The following SLIT3 variants were observed in gnomAD, a reference collection of about 807,000 sequenced individuals.
The protein encoded by SLIT3 is slit guidance ligand 3.
A neutral mutation model predicts 184.0 loss-of-function variants in SLIT3; 68 were observed. The observed-to-expected ratio is 0.37, with a 90% CI of 0.30 to 0.45. The LOEUF is 0.45. Ranked by LOEUF, SLIT3 falls within the 20% of genes least tolerant of loss-of-function variation. The pLI, the probability that SLIT3 is intolerant of heterozygous loss-of-function variation, is 1.00. For missense variants in SLIT3, 1,707 were observed against 2,026.0 expected (o/e 0.84, Z 3.02); for synonymous variants, 831 against 828.6 (o/e 1.00, Z -0.05).
At chr5:169,160,480 C>T (rs1161235092) in intron 4 of SLIT3, among the ~76,000 whole-genome samples, 1 of 152,112 alleles carries the variant, frequency 6.6e-6, no homozygotes, top group Non-Finnish European at 1.5e-5. Flanking sequence ...TCACAGGGGG[C>T]GATGATGAGT....
intron 4 of SLIT3, among the ~76,000 whole-genome samples, chr5:168,975,350 TGCATACATCATCAGG>T (rs1754713681): frequency 1.3e-5 from 2 of 152,188 alleles, no homozygotes; most frequent in Admixed American, 1.3e-4. Flanking sequence ...AATCCATCAG[TGCATACATCATCAGG>T]GCCAGTCTCA....
rs72837979 is a variant in SLIT3 at position 169,263,816 on chromosome 5, T to A, written c.198-12357A>T. ...CAACTCATTTTGGTCTTTCATCACG[T>A]TGCCTTGCTGCTGCCTGTTTCCTGT... is the stretch of plus-strand genomic sequence containing the variant. On this transcript the variant is annotated intron_variant, in intron 1 of 35. Coordinates refer to ENST00000519560, the MANE Select transcript of SLIT3 (RefSeq NM_003062.4). 143 of 373,292 alleles carry A rather than the reference T, an allele frequency of 3.8e-4. 3 individuals are homozygous for A. Among genetic ancestry groups the A allele is most frequent in the South Asian group, 8.4e-4 (41 of 49,054 alleles). The allele number at this position is 373,292 out of a possible 1,614,324, so 23.1% of individuals were successfully genotyped here.
intron 23 of SLIT3, chr5:168,712,814 A>C (rs1205476311): frequency 6.3e-6 from 1 of 159,802 alleles, no homozygotes; most frequent in African/African-American, 2.4e-5. Flanking sequence ...TGTGTGACTA[A>C]GGGCAAAGCA....
At position 168,905,253 on chromosome 5, in the gene SLIT3, T is replaced by A. The variant is rs571523849; in HGVS notation, c.414-21917A>T. Among the ~76,000 whole-genome samples, 27 of 152,278 alleles carry A rather than the reference T, an allele frequency of 1.8e-4. No individual in the cohort carries two copies. The East Asian group carries it at 4.8e-3, about 27-fold the overall frequency. The stretch of plus-strand genomic sequence containing the variant: ...GCACCCATGAAGCACCATAAGAGCA[T>A]AATCCCTTTCTATCCTTTTTCCTCC... On this transcript the variant is annotated intron_variant, in intron 4 of 35. Transcript: ENST00000519560.
At chr5:168,996,668 G>A (rs538499217) in intron 4 of SLIT3, among the ~76,000 whole-genome samples, 41 of 152,298 alleles carry the variant, frequency 2.7e-4, no homozygotes, top group African/African-American at 9.1e-4. Context: ...TTACAGCAGC[G>A]GATTTTTTAG....
intron 1 of SLIT3, among the ~76,000 whole-genome samples, chr5:169,298,038 G>C (rs557211980): frequency 6.6e-6 from 1 of 152,238 alleles, no homozygotes; most frequent in Non-Finnish European, 1.5e-5. Flanking sequence ...TTGGCTGAGA[G>C]AGAGTGTGGT....
In SLIT3 at chr5:169,290,913, A is replaced by T. The variant is rs529672458; in HGVS notation, c.197+9600T>A. Among the ~76,000 whole-genome samples, 6 of 152,240 alleles carry T rather than the reference A, an allele frequency of 3.9e-5. No individual in the cohort carries two copies. The East Asian group carries it at 1.2e-3, about 29-fold the overall frequency. ...ACTAGGGCACGTGCTAGGGCAAAGA[A>T]TGGATATGACTGGTAACAGACAGGA... On this transcript the variant is annotated intron_variant, in intron 1 of 35. Coordinates refer to ENST00000519560, the MANE Select transcript of SLIT3 (RefSeq NM_003062.4).
chr5:169,092,121 G>A (rs1759611654), intron 4 of SLIT3, among the ~76,000 whole-genome samples: 1 of 152,210 alleles, frequency 6.6e-6, no homozygotes, highest in South Asian at 2.1e-4. Flanking sequence ...TACTTCGGAG[G>A]CTGAGGCAGG....
At chr5:169,263,650 C>G (rs1766285560) in intron 1 of SLIT3, 1 of 502,686 alleles carries the variant, frequency 2.0e-6, no homozygotes, top group Admixed American at 2.3e-5. Context: ...CAGGCTTTCT[C>G]TGGGCGTATC....
chr5:168,812,485 T>C (rs2113645775), intron 8 of SLIT3, among the ~76,000 whole-genome samples: 1 of 152,280 alleles, frequency 6.6e-6, no homozygotes, highest in South Asian at 2.1e-4. Flanking sequence ...TGTGTGTCAA[T>C]TCAAAACAAA....
intron 20 of SLIT3, among the ~76,000 whole-genome samples, chr5:168,746,858 A>G (rs1468797072): frequency 1.7e-3 from 27 of 16,026 alleles, no homozygotes; most frequent in Admixed American, 6.2e-3. Context: ...GTGGTGTGTG[A>G]GTGTGGTGGT....
chr5:168,878,280 T>C (rs1033518132), intron 5 of SLIT3, among the ~76,000 whole-genome samples: 19 of 152,214 alleles, frequency 1.2e-4, no homozygotes, highest in African/African-American at 4.1e-4. Flanking sequence ...TTACGTTCTC[T>C]CTCTTCTCTG....
chr5:169,225,544 T>G (rs974784934), intron 3 of SLIT3, among the ~76,000 whole-genome samples: 3 of 152,194 alleles, frequency 2.0e-5, no homozygotes, highest in African/African-American at 7.2e-5. Context: ...CTTAGAGGCC[T>G]TATAGTCTAA....
At chr5:169,055,002 G>A (rs1473339772) in intron 4 of SLIT3, among the ~76,000 whole-genome samples, 1 of 152,146 alleles carries the variant, frequency 6.6e-6, no homozygotes, top group African/African-American at 2.4e-5. Flanking sequence ...CTCATGCCTA[G>A]CATATGGGCT....
intron 5 of SLIT3, among the ~76,000 whole-genome samples, chr5:168,864,741 T>C (rs1210534566): frequency 1.3e-5 from 2 of 152,206 alleles, no homozygotes; most frequent in Admixed American, 6.5e-5. Flanking sequence ...AAGATAACCA[T>C]GGGCCATATA....
intron 3 of SLIT3, among the ~76,000 whole-genome samples, chr5:169,203,871 G>A (rs1438539143): frequency 6.6e-6 from 1 of 152,112 alleles, no homozygotes; most frequent in Non-Finnish European, 1.5e-5. Context: ...GGGTAGAGCA[G>A]GGGGTTGGGG....
chr5:168,930,056 T>G (rs1761941158), intron 4 of SLIT3, among the ~76,000 whole-genome samples: 1 of 152,174 alleles, frequency 6.6e-6, no homozygotes, highest in South Asian at 2.1e-4. Context: ...GAGGTCCTAG[T>G]CAGTGTCACA....
chr5:169,297,189 T>C (rs1382652222), intron 1 of SLIT3, among the ~76,000 whole-genome samples: 2 of 152,230 alleles, frequency 1.3e-5, no homozygotes, highest in African/African-American at 4.8e-5. Context: ...CTTCTCTGCA[T>C]TTATTTAGCT....
chr5:168,737,463 A>G (rs902277402), intron 20 of SLIT3, among the ~76,000 whole-genome samples: 3 of 152,106 alleles, frequency 2.0e-5, no homozygotes, highest in South Asian at 2.1e-4. Flanking sequence ...GTGCACACAC[A>G]CACACACATG....
Sources: allele counts gnomAD v4.1 joint callset (sites outside exome capture counted in the v4.1 genomes callset), GRCh38; gene constraint gnomAD v4.1.1; transcripts MANE v1.5; gene names NCBI Gene and HGNC (gene_info 2026-07-23, HGNC 2026-07-21).